Variants in EIF2AK4 observed in about 807,000 individuals in gnomAD.
EIF2AK4 encodes the protein eIF-2-alpha kinase GCN2.
A neutral mutation model predicts 211.1 loss-of-function variants in EIF2AK4; 139 were observed. The ratio of observed to expected loss-of-function variants is 0.66; its 90% CI spans 0.57 to 0.76. EIF2AK4 has a LOEUF of 0.76. EIF2AK4 is among the 30% of genes least tolerant of loss of function. EIF2AK4 has a pLI of 0.00. For synonymous variants in EIF2AK4, 710 were observed against 751.3 expected (o/e 0.94, Z 0.90); for missense variants, 1,664 against 2,043.8 (o/e 0.81, Z 3.58).
intron 8 of EIF2AK4, among the ~76,000 whole-genome samples, chr15:39,966,193 G>C (rs1404418736): frequency 6.6e-6 from 1 of 152,078 alleles, no homozygotes; most frequent in Non-Finnish European, 1.5e-5. Context: ...TTCAGGGCTG[G>C]GTGTAGTGAC....
At chr15:40,014,679 T>G (rs1191981538) in intron 27 of EIF2AK4, among the ~76,000 whole-genome samples, 1 of 152,234 alleles carries the variant, frequency 6.6e-6, no homozygotes, top group East Asian at 1.9e-4. Flanking sequence ...CTGGAGACAT[T>G]TTCCCCATTG....
chr15:39,948,128 C>T (rs1039882187), intron 3 of EIF2AK4, among the ~76,000 whole-genome samples: 5 of 152,136 alleles, frequency 3.3e-5, no homozygotes, highest in African/African-American at 1.2e-4. Flanking sequence ...TTAACATCAC[C>T]CAGCAAGAGC....
intron 38 of EIF2AK4, 31 bp from the exon 39 acceptor site, chr15:40,034,994 GTC>G: frequency 6.5e-7 from 1 of 1,543,562 alleles, no homozygotes; most frequent in African/African-American, 1.4e-5. Context: ...ATTAAACTGA[GTC>G]TGTCCTTATA....
At chr15:40,032,293 G>C in intron 36 of EIF2AK4, 56 bp downstream of exon 36, 1 of 1,520,466 alleles carries the variant, frequency 6.6e-7, no homozygotes. Flanking sequence ...TGTCAAAGTA[G>C]TTGCCTCAGG....
intron 4 of EIF2AK4, among the ~76,000 whole-genome samples, chr15:39,951,870 C>T (rs187768990): frequency 1.1e-4 from 17 of 152,284 alleles, no homozygotes; most frequent in Admixed American, 4.6e-4. Context: ...GGTGGTGCAG[C>T]GGCGGCTGCA....
At chr15:40,030,031 T>G (rs1567011218) in intron 34 of EIF2AK4, among the ~76,000 whole-genome samples, 2 of 152,226 alleles carry the variant, frequency 1.3e-5, no homozygotes, top group Admixed American at 6.5e-5. Context: ...CTTGCAGGAA[T>G]TTAAAGAAGT....
chr15:39,961,168 G>A (rs2034467050), intron 6 of EIF2AK4, among the ~76,000 whole-genome samples: 3 of 152,200 alleles, frequency 2.0e-5, no homozygotes, highest in Admixed American at 2.0e-4. Flanking sequence ...GAGAAGTCAT[G>A]GAAGGGAATG....
rs375456378 is a variant in EIF2AK4, at chr15:39,988,070, G to A, written c.2491G>A (p.Glu831Lys). 13 of 1,614,134 alleles carry A rather than the reference G, an allele frequency of 8.1e-6. No individual in the cohort carries two copies. Among genetic ancestry groups the A allele is most frequent in the Non-Finnish European group, 1.1e-5 (13 of 1,180,014 alleles). ...CGTCAGACTCTGGAGGCTTTTTCGA[G>A]AGATTCTGGATGGATTAGCTTATAT... ...DTVRLWRLFR[E>K]ILDGLAYIHE... The change falls in exon 15 of 39, where the codon GAG becomes AAG. Residue 831 changes from glutamate to lysine, a missense_variant. Around this residue, in one of 7 missense-constraint regions of EIF2AK4, gnomAD observed 622 missense variants for 796.8 expected, o/e 0.78. Transcript: ENST00000263791.
At position 39,985,792 on chromosome 15, in the gene EIF2AK4, C is replaced by G. The variant is rs1007006793; in HGVS notation, c.2320-13C>G. 8.1e-6 allele frequency: 13 copies of G among 1,613,318 alleles called. No individual in the cohort carries two copies. Among genetic ancestry groups the G allele is most frequent in the East Asian group, 6.7e-5 (3 of 44,884 alleles). On this transcript the variant is annotated splice_polypyrimidine_tract_variant and intron_variant, in intron 13 of 38. Coordinates refer to ENST00000263791, the MANE Select transcript of EIF2AK4 (RefSeq NM_001013703.4). The stretch of plus-strand genomic sequence containing the variant: ...CCTCCATTTTGAGTTATTGTGTGTT[C>G]GTCTTGGGTTAGGATGAAGATTGCA...
rs2034729355 is a variant in EIF2AK4, at chr15:39,978,275, A to G, written c.2319+128A>G. The G allele has an allele frequency of 3.2e-5, 14 of 443,006 alleles. No homozygotes were observed. In the South Asian group the frequency reaches 4.5e-4, roughly 14 times the overall value. 27.4% of individuals were successfully genotyped at this position (443,006 alleles called of 1,614,324 possible). A position where few individuals can be genotyped will look rare whatever the true frequency, so the allele number is the denominator to read the frequency against. On this transcript the variant is annotated intron_variant, in intron 13 of 38. Coordinates refer to ENST00000263791, the MANE Select transcript of EIF2AK4 (RefSeq NM_001013703.4). ...ATATAGAAACCATAAATTTTAAAAGATGATTATTCATTTAAAATATATTCT... is the reference window on the plus strand; with the variant it reads ...ATATAGAAACCATAAATTTTAAAAGGTGATTATTCATTTAAAATATATTCT...
In EIF2AK4 at chr15:39,988,103, A is replaced by C; in HGVS notation, c.2524A>C (p.Lys842Gln). Residue 842 changes from lysine to glutamine, a missense_variant and splice_region_variant, in exon 15 of 39, where the codon AAA becomes CAA. Physicochemically the swap from Lys to Gln is moderately conservative, Grantham distance 53. Transcript: ENST00000263791. ...GGATGGATTAGCTTATATCCATGAG[A>C]AAGTAAACTTTACAACATTTCATAT... The part of the protein sequence containing the change: ...ILDGLAYIHE[K>Q]GMIHRDLKPV... The C allele has an allele frequency of 1.9e-6, 3 of 1,613,996 alleles. No homozygotes were observed. The highest frequency in any genetic ancestry group is 2.5e-6 in the Non-Finnish European group (3 of 1,179,938).
At chr15:40,026,239 G>A (rs1659687491) in intron 33 of EIF2AK4, 150 bp downstream of exon 33, 5 of 696,758 alleles carry the variant, frequency 7.2e-6, no homozygotes, top group African/African-American at 5.4e-5. Context: ...GGAATCACTT[G>A]AGGCCAGGAA....
Position 39,965,702 on chromosome 15 carries a change from T to C in EIF2AK4, c.876T>C (p.Leu292=), listed in dbSNP as rs2034534813. The C allele has an allele frequency of 1.2e-6, 2 of 1,613,890 alleles. No homozygotes were observed. Among genetic ancestry groups the C allele is most frequent in the Middle Eastern group, 3.3e-4 (2 of 6,060 alleles). The stretch of plus-strand genomic sequence containing the variant: ...AATGTGCAGGCAGTGATGAACAACT[T>C]GGAAAATTAGTCTACAATGCTTTGG... ...KGKCIGSDEQ[L]GKLVYNALET... is the part of the protein sequence containing the mutation. The change falls in exon 8 of 39, where the codon CTT becomes CTC. Residue 292 remains leucine, a synonymous_variant. Coordinates refer to ENST00000263791, the MANE Select transcript of EIF2AK4 (RefSeq NM_001013703.4).
At chr15:39,954,379 A>C (rs576932681) in intron 5 of EIF2AK4, among the ~76,000 whole-genome samples, 1 of 152,252 alleles carries the variant, frequency 6.6e-6, no homozygotes, top group South Asian at 2.1e-4. Context: ...CAGCCTCCCG[A>C]GTATCTGGGA....
At chr15:39,975,047 T>C (rs574354237) in intron 11 of EIF2AK4, 5 of 152,340 alleles carry the variant, frequency 3.3e-5, no homozygotes, top group African/African-American at 1.2e-4. Flanking sequence ...CGCCCTACAC[T>C]GTCCTCTTCC....
At chr15:40,004,743 C>T (rs906771303) in intron 23 of EIF2AK4, among the ~76,000 whole-genome samples, 16 of 152,012 alleles carry the variant, frequency 1.1e-4, no homozygotes, top group African/African-American at 3.1e-4. Flanking sequence ...TTTGTAGAAA[C>T]GGGCTCTCGC....
chr15:39,959,531 C>A (rs2034438147), intron 6 of EIF2AK4, among the ~76,000 whole-genome samples: 1 of 152,186 alleles, frequency 6.6e-6, no homozygotes, highest in African/African-American at 2.4e-5. Flanking sequence ...ATTCCTTAAT[C>A]TTACAGCCAT....
chr15:39,982,889 G>A (rs953960557), intron 13 of EIF2AK4, among the ~76,000 whole-genome samples: 3 of 152,068 alleles, frequency 2.0e-5, no homozygotes, highest in Admixed American at 6.6e-5. Flanking sequence ...CTTTTTTTAT[G>A]GCTGCATAGT....
intron 27 of EIF2AK4, among the ~76,000 whole-genome samples, chr15:40,013,505 A>G (rs1470730194): frequency 6.6e-6 from 1 of 151,910 alleles, no homozygotes; most frequent in Non-Finnish European, 1.5e-5. Context: ...GAAGGCACGG[A>G]GGAGCAAGTC....
Sources: allele counts gnomAD v4.1 joint callset (sites outside exome capture counted in the v4.1 genomes callset), GRCh38; gene constraint gnomAD v4.1.1; regional missense constraint gnomAD v4.1.1; transcripts MANE v1.5; gene names NCBI Gene and HGNC (gene_info 2026-07-23, HGNC 2026-07-21).